Variants in RDH13 observed in about 807,000 individuals in gnomAD.
RDH13 encodes retinol dehydrogenase 13 (all-trans and 9-cis).
RDH13 carries 35 observed loss-of-function variants against 28.3 expected under a neutral mutation model. The ratio of observed to expected loss-of-function variants is 1.24; its 90% CI spans 0.95 to 1.64. RDH13 has a LOEUF of 1.64. Ranked by LOEUF, RDH13 falls within the 40% of genes most tolerant of loss-of-function variation. The pLI, the probability that RDH13 is intolerant of heterozygous loss-of-function variation, is 0.00. For synonymous variants in RDH13, 229 were observed against 198.5 expected (o/e 1.15, Z -1.29); for missense variants, 514 against 446.3 (o/e 1.15, Z -1.37).
chr19:55,064,259 A>G (rs2075899025), upstream of RDH13: 2 of 152,130 alleles, frequency 1.3e-5, no homozygotes, highest in East Asian at 1.9e-4. Flanking sequence ...TGTCTCTACT[A>G]AAAATACAAA....
intron 3 of RDH13, among the ~76,000 whole-genome samples, chr19:55,050,288 TG>T (rs1364844228): frequency 1.3e-5 from 2 of 152,012 alleles, no homozygotes; most frequent in Admixed American, 1.3e-4. Context: ...GTTAATTTTT[TG>T]TATCTTTAGT....
At chr19:55,057,833 G>T (rs1362062242) in intron 2 of RDH13, among the ~76,000 whole-genome samples, 1 of 142,318 alleles carries the variant, frequency 7.0e-6, no homozygotes, top group African/African-American at 2.6e-5. Flanking sequence ...TTTTGAGTCA[G>T]TCTCACTCTG....
Position 55,059,204 on chromosome 19 carries a change from G to A in RDH13, c.137C>T (p.Ala46Val). 6.2e-7 allele frequency: 1 copy of A among 1,604,714 alleles called. No homozygotes were observed. The highest frequency in any genetic ancestry group is 1.1e-5 in the South Asian group (1 of 88,980). The change falls in exon 2 of 7, where the codon GCC becomes GTC. Residue 46 changes from alanine (A) to valine (V), a missense_variant. Ala to Val is a moderately conservative substitution (Grantham distance 64, BLOSUM62 0). Transcript: ENST00000415061. ...IPGKTVIVTG[A>V]NTGIGKQTAL... ...GGTCTGCTTCCCGATGCCTGTGTTG[G>A]CACCCGTCACGATGACCGTCTTCCC...
rs568014648 is a variant in RDH13 at position 55,059,592 on chromosome 19, G to C, written c.66-317C>G. ...GAGGCCAAAGTTTTGGGGGTGGGGG[G>C]GGGCGGGGGCGGATCACTTGAGGTC... On this transcript the variant is annotated intron_variant, in intron 1 of 6. Coordinates refer to ENST00000415061, the MANE Select transcript of RDH13 (RefSeq NM_001145971.2). Among the ~76,000 whole-genome samples the C allele has an allele frequency of 4.1e-3, 611 of 148,296 alleles. 3 individuals carry two copies. The highest frequency in any genetic ancestry group is 0.015 in the African/African-American group (572 of 38,754).
At chr19:55,047,187 G>A in intron 6 of RDH13, 200 bp downstream of exon 6, 1 of 1,403,510 alleles carries the variant, frequency 7.1e-7, no homozygotes, top group Non-Finnish European at 9.2e-7. Context: ...GCAGGGCTCT[G>A]CCTGCTTCCC....
chr19:55,048,799 G>A, intron 3 of RDH13, 36 bp from the exon 4 acceptor site: 1 of 1,556,988 alleles, frequency 6.4e-7, no homozygotes, highest in African/African-American at 1.4e-5. Context: ...ACATCCCGGT[G>A]AGGACAGACC....
chr19:55,065,933 G>C (rs1729807569), upstream of RDH13, among the ~76,000 whole-genome samples: 1 of 152,142 alleles, frequency 6.6e-6, no homozygotes, highest in Admixed American at 6.6e-5. Flanking sequence ...GGCCAGGCTG[G>C]TTTTGAACTC....
intron 6 of RDH13, 119 bp from the exon 7 acceptor site, chr19:55,045,428 T>C: frequency 1.4e-6 from 1 of 704,212 alleles, no homozygotes; most frequent in Non-Finnish European, 2.3e-6. Context: ...CTCTAGCCCT[T>C]TCCCCTTGGC....
chr19:55,059,586 T>TGGGGGGGGCAAAGGTTTGGGGGGG (rs2075747942), intron 1 of RDH13, among the ~76,000 whole-genome samples: 1 of 79,238 alleles, frequency 1.3e-5, no homozygotes, highest in Non-Finnish European at 2.4e-5. Context: ...GTTTTGGGGG[T>TGGGGGGGGCAAAGGTTTGGGGGGG]GGGGGGGGGC....
At position 55,052,184 on chromosome 19, in the gene RDH13, C is replaced by T. The variant is rs186020236; in HGVS notation, c.341-3421G>A. On this transcript the variant is annotated intron_variant, in intron 3 of 6. Coordinates refer to ENST00000415061, the MANE Select transcript of RDH13 (RefSeq NM_001145971.2). ...CTGTAATCCCAGCACTTTGGGAGGC[C>T]GAGGCGGGCAGATCACCTGAGGTCA... is the stretch of plus-strand genomic sequence containing the variant. Among the ~76,000 whole-genome samples the T allele has an allele frequency of 3.6e-3, 539 of 148,272 alleles. 4 individuals are homozygous for T. The highest frequency in any genetic ancestry group is 0.013 in the African/African-American group (513 of 40,002).
chr19:55,059,524 C>A (rs185551632), intron 1 of RDH13, among the ~76,000 whole-genome samples: 1 of 137,734 alleles, frequency 7.3e-6, no homozygotes. Context: ...ATGAGATTCC[C>A]GGCCAGGTGA....
Position 55,048,438 on chromosome 19 carries a change from GTC to G in RDH13, c.547_548del (p.Asp183LeufsTer2), listed in dbSNP as rs1441703301. On this transcript the variant is annotated frameshift_variant, in exon 5 of 7. Transcript: ENST00000415061. LOFTEE classifies it high-confidence loss of function. ...TCGTCTGCCAGTTCAAGTCGTCAAA[GTC>G]TATGTGCCCAGCAACATGGGCCAGG... ...SSLAHVAGHI[D>X]FDDLNWQTRK... is the part of the protein sequence containing the mutation. 1 of 1,614,106 alleles carries G rather than the reference GTC, an allele frequency of 6.2e-7. No homozygotes were observed. The highest frequency in any genetic ancestry group is 8.5e-7 in the Non-Finnish European group (1 of 1,180,058).
At chr19:55,062,470 G>A (rs1286937338) in intron 1 of RDH13, among the ~76,000 whole-genome samples, 1 of 152,094 alleles carries the variant, frequency 6.6e-6, no homozygotes, top group African/African-American at 2.4e-5. Context: ...TCACCTGAGG[G>A]CAGGTGTTTG....
downstream of RDH13, chr19:55,040,651 A>T (rs1386523952): frequency 2.0e-5 from 3 of 152,258 alleles, no homozygotes; most frequent in African/African-American, 7.2e-5. Context: ...GCTGCATAGA[A>T]TTTTAAACGT....
intron 5 of RDH13, chr19:55,047,948 C>G: frequency 1.1e-6 from 1 of 886,384 alleles, no homozygotes; most frequent in Non-Finnish European, 1.6e-6. Context: ...CCTTTACCCT[C>G]CAGATGCCCA....
At chr19:55,049,365 C>G (rs907494360) in intron 3 of RDH13, among the ~76,000 whole-genome samples, 1 of 152,146 alleles carries the variant, frequency 6.6e-6, no homozygotes, top group Non-Finnish European at 1.5e-5. Flanking sequence ...TACAAGCAAC[C>G]AAAGGACACA....
chr19:55,048,735 G>A lies in RDH13; in HGVS notation c.369C>T (p.Asn123=). 1.9e-6 allele frequency: 3 copies of A among 1,614,062 alleles called. No homozygotes were observed. Among genetic ancestry groups the A allele is most frequent in the South Asian group, 1.1e-5 (1 of 91,060 alleles). Residue 123 remains asparagine, a synonymous_variant, in exon 4 of 7, where the codon AAC becomes AAT. Transcript: ENST00000415061. ...GGGGGCACCGCATCACACCCGCGTTGTTGATTAGAATGTCCACTCGCTCCT... is the reference window on the plus strand; with the variant it reads ...GGGGGCACCGCATCACACCCGCGTTATTGATTAGAATGTCCACTCGCTCCT... ...EEEERVDILI[N]NAGVMRCPHW...
chr19:55,048,889 C>A, intron 3 of RDH13, 126 bp from the exon 4 acceptor site: 2 of 814,306 alleles, frequency 2.5e-6, no homozygotes, highest in East Asian at 5.3e-5. Flanking sequence ...AGGGTCTGTG[C>A]CGAAGTGGCC....
intron 6 of RDH13, 198 bp downstream of exon 6, chr19:55,047,189 C>G: frequency 7.1e-7 from 1 of 1,404,064 alleles, no homozygotes; most frequent in African/African-American, 1.5e-5. Context: ...AGGGCTCTGC[C>G]TGCTTCCCGG....
Sources: allele counts gnomAD v4.1 joint callset (sites outside exome capture counted in the v4.1 genomes callset), GRCh38; gene constraint gnomAD v4.1.1; transcripts MANE v1.5; gene names NCBI Gene and HGNC (gene_info 2026-07-23, HGNC 2026-07-21).